TENM3: variants seen among roughly 807,000 people sequenced by gnomAD.
The protein encoded by TENM3 is teneurin transmembrane protein 3, also known as teneurin-3.
Under a neutral mutation model 255.1 loss-of-function variants are expected in TENM3, and 63 were observed. The ratio of observed to expected loss-of-function variants is 0.25; its 90% confidence interval spans 0.20 to 0.30. TENM3 has a LOEUF of 0.30. Among genes scored for constraint, TENM3 ranks in the 10% least tolerant of loss-of-function variants. The probability of loss-of-function intolerance (pLI) is 1.00; values close to 1 mark genes in which losing one functional copy is unlikely to be tolerated. For missense variants in TENM3, 2,929 were observed against 3,461.1 expected, an observed-to-expected ratio of 0.85 and a Z score of 3.86; for synonymous variants, 1,306 against 1,322.3, an observed-to-expected ratio of 0.99 and a Z score of 0.27.
At chr4:182,528,779 G>A (rs925667) in intron 3 of TENM3, among the ~76,000 whole-genome samples, 128,323 of 152,170 alleles carry the variant, frequency 0.84, 54,220 homozygotes, top group East Asian at 0.96. Context: ...GGCACTAACA[G>A]TAGTAGCCCA....
chr4:181,970,474 A>G, the TENM3 span, among the ~76,000 whole-genome samples: 1 of 152,222 alleles, frequency 6.6e-6, no homozygotes, highest in Admixed American at 6.5e-5. Context: ...TCGTCTTGAA[A>G]CTTTCACTTC....
chr4:182,613,889 G>A (rs750398752), intron 4 of TENM3, among the ~76,000 whole-genome samples: 2 of 152,186 alleles, frequency 1.3e-5, no homozygotes, highest in East Asian at 1.9e-4. Context: ...GCAGTGAAGT[G>A]TATCTTGTTT....
intron 2 of TENM3, among the ~76,000 whole-genome samples, chr4:182,330,022 G>C (rs910643766): frequency 1.3e-5 from 2 of 151,718 alleles, no homozygotes; most frequent in Admixed American, 1.3e-4. Flanking sequence ...TTTCTCATCT[G>C]CAACAATAAA....
At chr4:182,224,386 T>C (rs866893723) in intron 1 of TENM3, among the ~76,000 whole-genome samples, 31 of 152,210 alleles carry the variant, frequency 2.0e-4, no homozygotes, top group African/African-American at 7.0e-4. Context: ...CTGGCATGTA[T>C]TGGGTAACAG....
chr4:182,181,067 A>C (rs924815383), intron 1 of TENM3, among the ~76,000 whole-genome samples: 2 of 151,960 alleles, frequency 1.3e-5, no homozygotes, highest in Non-Finnish European at 2.9e-5. Flanking sequence ...AGTTTTTCTT[A>C]TCTACATGGA....
At chr4:181,953,679 CAAAAAAGAAAAA>C in the TENM3 span, among the ~76,000 whole-genome samples, 1 of 148,462 alleles carries the variant, frequency 6.7e-6, no homozygotes, top group South Asian at 2.1e-4. Flanking sequence ...GACTCTGTCT[CAAAAAAGAAAAA>C]AAGAAAGAAA....
intron 8 of TENM3, 143 bp downstream of exon 8, chr4:182,680,019 T>A (rs1033766663): frequency 9.2e-5 from 73 of 795,928 alleles, no homozygotes; most frequent in Admixed American, 1.1e-4. Flanking sequence ...TTTAAACCTT[T>A]ATTTGGGAAT....
At chr4:181,984,971 T>C in the TENM3 span, among the ~76,000 whole-genome samples, 1 of 151,992 alleles carries the variant, frequency 6.6e-6, no homozygotes, top group Non-Finnish European at 1.5e-5. Flanking sequence ...AGAATGATCA[T>C]TATACAATTG....
chr4:181,452,000 T>C, the TENM3 span, among the ~76,000 whole-genome samples: 1 of 151,802 alleles, frequency 6.6e-6, no homozygotes, highest in Non-Finnish European at 1.5e-5. Flanking sequence ...GCCAGAGAAG[T>C]GGGAGGAAAA....
rs1392155196 is a variant in TENM3 at position 182,800,051 on chromosome 4, C to A, written c.7800C>A (p.Phe2600Leu). 6 of 1,602,104 alleles carry A rather than the reference C, an allele frequency of 3.7e-6. No homozygotes were observed. The Admixed American group carries it at 5.1e-5, about 14-fold the overall frequency. ...GGTTCGCGGACGTGGAGATGCAGTT[C>A]GGCGCGCTGGCGCTGCACGTGCGCT... ...TRRFADVEMQ[F>L]GALALHVRYG... Residue 2600 changes from phenylalanine to leucine, a missense_variant, in exon 28 of 28, where the codon TTC (phenylalanine) becomes TTA (leucine). By Grantham distance (22) the Phe-to-Leu change is conservative (BLOSUM62 0). Coordinates refer to ENST00000511685, the MANE Select transcript of TENM3 (RefSeq NM_001080477.4).
chr4:182,080,467 G>C, the TENM3 span, among the ~76,000 whole-genome samples: 1 of 152,068 alleles, frequency 6.6e-6, no homozygotes, highest in African/African-American at 2.4e-5. Flanking sequence ...CTTAAAAGTA[G>C]TGACCTCTAG....
chr4:182,476,383 T>C (rs1300928531), intron 3 of TENM3, among the ~76,000 whole-genome samples: 2 of 152,180 alleles, frequency 1.3e-5, no homozygotes, highest in African/African-American at 4.8e-5. Flanking sequence ...CCTGATAGCA[T>C]ATTAAAGTAT....
chr4:182,565,010 A>AGT (rs1196833817), intron 3 of TENM3, among the ~76,000 whole-genome samples: 2 of 152,206 alleles, frequency 1.3e-5, no homozygotes, highest in African/African-American at 4.8e-5. Flanking sequence ...GTTTTTACCC[A>AGT]GTGTGTGAAA....
the TENM3 span, among the ~76,000 whole-genome samples, chr4:181,869,021 T>C: frequency 6.6e-6 from 1 of 152,078 alleles, no homozygotes; most frequent in African/African-American, 2.4e-5. Flanking sequence ...AAACTGTTGC[T>C]GACCAATTTT....
intron 5 of TENM3, among the ~76,000 whole-genome samples, chr4:182,635,317 A>G: frequency 6.6e-6 from 1 of 152,206 alleles, no homozygotes; most frequent in East Asian, 1.9e-4. Flanking sequence ...ATTTAAATAT[A>G]CGGTCCAATG....
At chr4:181,553,569 G>A in the TENM3 span, among the ~76,000 whole-genome samples, 1 of 151,974 alleles carries the variant, frequency 6.6e-6, no homozygotes, top group East Asian at 2.0e-4. Context: ...AGCCTCCCGA[G>A]TAGCTGGGAC....
At chr4:182,531,881 G>C (rs911667035) in intron 3 of TENM3, among the ~76,000 whole-genome samples, 1 of 152,180 alleles carries the variant, frequency 6.6e-6, no homozygotes, top group Non-Finnish European at 1.5e-5. Flanking sequence ...TTTAAACATG[G>C]TGAGCTGCTC....
the TENM3 span, among the ~76,000 whole-genome samples, chr4:181,641,554 GTATATATATATATATA>G: frequency 8.5e-3 from 228 of 26,914 alleles, 7 homozygotes; most frequent in Middle Eastern, 0.033. Flanking sequence ...TGGTGTGTGT[GTATATATATATATATA>G]TATATATATA....
intron 13 of TENM3, among the ~76,000 whole-genome samples, chr4:182,727,987 A>T (rs1760360422): frequency 6.6e-6 from 1 of 151,452 alleles, no homozygotes; most frequent in Non-Finnish European, 1.5e-5. Flanking sequence ...CAGCCTCCTG[A>T]GTAGCTGGGA....
Sources: allele counts gnomAD v4.1 joint callset (sites outside exome capture counted in the v4.1 genomes callset), GRCh38; gene constraint gnomAD v4.1.1; transcripts MANE v1.5; gene names NCBI Gene and HGNC (gene_info 2026-07-23, HGNC 2026-07-21).